Variants in TEX36 observed in about 807,000 individuals in gnomAD.
TEX36 encodes testis expressed 36.
TEX36 carries 12 observed loss-of-function variants against 13.6 expected under a neutral mutation model. The observed-to-expected ratio is 0.88, with a 90% CI of 0.56 to 1.43. The LOEUF is 1.43. TEX36 is among the 40% of genes most tolerant of loss of function. TEX36 has a pLI of 0.00. For missense variants in TEX36, 224 were observed against 228.3 expected, an observed-to-expected ratio of 0.98 and a Z score of 0.12; for synonymous variants, 93 against 83.0, an observed-to-expected ratio of 1.12 and a Z score of -0.65.
rs190511384 is a variant in TEX36 at position 125,629,235 on chromosome 10, C to A, written c.265-7590G>T. 3.3e-4 allele frequency among the ~76,000 whole-genome samples: 51 copies of A among 152,264 alleles called. No individual in the cohort carries two copies. In the East Asian group the frequency reaches 9.7e-3, roughly 29 times the overall value. ...CTGACTGTGTGGTGTGCAAGGAGCA[C>A]CCTGTGATAGAGACGATCTGAAGTT... On this transcript the variant is annotated intron_variant, in intron 3 of 3. Transcript: ENST00000526819.
At chr10:125,613,788 A>T (rs1490639077) in intron 3 of TEX36, among the ~76,000 whole-genome samples, 1 of 152,170 alleles carries the variant, frequency 6.6e-6, no homozygotes, top group Non-Finnish European at 1.5e-5. Flanking sequence ...TCCTTTGGGT[A>T]TATACCCAGT....
Position 125,683,159 on chromosome 10 carries a change from C to A in TEX36, c.-170G>T. 2.7e-6 allele frequency: 2 copies of A among 743,422 alleles called. No homozygotes were observed. The highest frequency in any genetic ancestry group is 2.3e-6 in the Non-Finnish European group (1 of 442,032). The allele number at this position is 743,422 out of a possible 1,614,324, so 46.1% of individuals were successfully genotyped here. Reference sequence around the variant, plus strand: ...CAGCCTCTTCCAGGAGGGGAAGGTGCGGGTGCCCATTGTTGTCATGGAATG... The same window carrying A: ...CAGCCTCTTCCAGGAGGGGAAGGTGAGGGTGCCCATTGTTGTCATGGAATG... On this transcript the variant is annotated 5_prime_UTR_variant, in exon 1 of 4. Transcript: ENST00000368821.
At chr10:125,677,724 G>A (rs766026285) in intron 1 of TEX36, among the ~76,000 whole-genome samples, 25 of 151,012 alleles carry the variant, frequency 1.7e-4, no homozygotes, top group Non-Finnish European at 2.9e-4. Flanking sequence ...CTCTATTGCC[G>A]AGGCTGAAGT....
downstream of TEX36, among the ~76,000 whole-genome samples, chr10:125,651,628 T>C (rs181443217): frequency 2.2e-4 from 34 of 152,246 alleles, no homozygotes; most frequent in African/African-American, 6.7e-4. Flanking sequence ...TTCAACATAG[T>C]GTTGGAAGTT....
chr10:125,666,284 G>A (rs1375530816), intron 1 of TEX36, among the ~76,000 whole-genome samples: 1 of 152,158 alleles, frequency 6.6e-6, no homozygotes, highest in Non-Finnish European at 1.5e-5. Flanking sequence ...TCAGTTCTTG[G>A]AGCAAAGGCG....
At chr10:125,589,472 T>C (rs1052426270) in intron 3 of TEX36, among the ~76,000 whole-genome samples, 2 of 152,258 alleles carry the variant, frequency 1.3e-5, no homozygotes, top group African/African-American at 4.8e-5. Flanking sequence ...ACAAGTGTGA[T>C]ATTGGTTGAT....
In TEX36 at chr10:125,656,163, T is replaced by G; in HGVS notation, c.298A>C (p.Arg100=). 1 of 1,540,898 alleles carries G rather than the reference T, an allele frequency of 6.5e-7. No individual in the cohort carries two copies. Among genetic ancestry groups the G allele is most frequent in the East Asian group, 2.5e-5 (1 of 40,812 alleles). ...TTAAAATTTCTTGAAACATGTTGCCTCTTATCTGGAGAGATCTTCTTACGT... is the reference window on the plus strand; with the variant it reads ...TTAAAATTTCTTGAAACATGTTGCCGCTTATCTGGAGAGATCTTCTTACGT... ...LGRKKISPDK[R]QHVSRNFNLW... is the part of the protein sequence containing the mutation. Residue 100 remains arginine (R), a synonymous_variant, in exon 4 of 4, where the codon AGG becomes CGG. Coordinates refer to ENST00000368821, the MANE Select transcript of TEX36 (RefSeq NM_001128202.3).
At chr10:125,611,269 T>C (rs1456016060) in intron 3 of TEX36, among the ~76,000 whole-genome samples, 1 of 152,242 alleles carries the variant, frequency 6.6e-6, no homozygotes, top group Non-Finnish European at 1.5e-5. Flanking sequence ...AATAGGCATA[T>C]TTTTAAAGTA....
At chr10:125,671,479 G>A (rs1847228360) in intron 1 of TEX36, among the ~76,000 whole-genome samples, 1 of 152,158 alleles carries the variant, frequency 6.6e-6, no homozygotes. Flanking sequence ...TGGGGATGAA[G>A]CTGACTTGAT....
At chr10:125,595,810 T>C (rs149875949) in intron 3 of TEX36, among the ~76,000 whole-genome samples, 2 of 152,310 alleles carry the variant, frequency 1.3e-5, no homozygotes, top group Non-Finnish European at 2.9e-5. Flanking sequence ...CCTGTTTACT[T>C]CTCTGCCTAG....
intron 1 of TEX36, among the ~76,000 whole-genome samples, chr10:125,665,939 T>C (rs1344984630): frequency 3.3e-5 from 5 of 152,166 alleles, no homozygotes; most frequent in Admixed American, 3.3e-4. Context: ...TTTATTCTTA[T>C]ATATTTTTGT....
chr10:125,615,391 C>T (rs1193400722), intron 3 of TEX36, among the ~76,000 whole-genome samples: 6 of 152,094 alleles, frequency 3.9e-5, no homozygotes, highest in Non-Finnish European at 8.8e-5. Context: ...CCAGTTTTTG[C>T]CCATTCAGTA....
Position 125,661,007 on chromosome 10 carries a change from A to G in TEX36, c.264+14T>C, listed in dbSNP as rs1343274198. ...GTTCCCTGTTTTATTAATAATTTGGAAAGAAATACTCACGGAGTCAAGGTA... is the reference window on the plus strand; with the variant it reads ...GTTCCCTGTTTTATTAATAATTTGGGAAGAAATACTCACGGAGTCAAGGTA... On this transcript the variant is annotated intron_variant, in intron 3 of 3. Coordinates refer to ENST00000368821, the MANE Select transcript of TEX36 (RefSeq NM_001128202.3). The G allele has an allele frequency of 6.5e-7, 1 of 1,546,828 alleles. No individual in the cohort carries two copies. The highest frequency in any genetic ancestry group is 8.8e-7 in the Non-Finnish European group (1 of 1,142,538).
downstream of TEX36, among the ~76,000 whole-genome samples, chr10:125,653,606 T>G (rs1464985830): frequency 6.6e-6 from 1 of 152,066 alleles, no homozygotes; most frequent in East Asian, 1.9e-4. Context: ...CTGCACGTTG[T>G]GCACATGTAC....
chr10:125,612,872 T>C (rs1846307464), intron 3 of TEX36, among the ~76,000 whole-genome samples: 1 of 151,322 alleles, frequency 6.6e-6, no homozygotes, highest in South Asian at 2.1e-4. Flanking sequence ...TGGGTTGTAA[T>C]TTTTTTTTCA....
intron 3 of TEX36, among the ~76,000 whole-genome samples, chr10:125,598,068 G>A (rs1397373422): frequency 6.6e-6 from 1 of 152,198 alleles, no homozygotes. Flanking sequence ...GTTAAGGAGG[G>A]TGGGAGTGGC....
chr10:125,578,920 A>C (rs1014101254), intron 3 of TEX36, among the ~76,000 whole-genome samples: 1 of 152,000 alleles, frequency 6.6e-6, no homozygotes. Context: ...CTTTCCCCAC[A>C]TGCTGTGCCC....
chr10:125,595,969 G>T (rs936819125), intron 3 of TEX36, among the ~76,000 whole-genome samples: 2 of 152,152 alleles, frequency 1.3e-5, no homozygotes, highest in African/African-American at 4.8e-5. Context: ...CTTAAACAAA[G>T]AAAGAAATCT....
intron 3 of TEX36, among the ~76,000 whole-genome samples, chr10:125,595,964 A>T (rs908735732): frequency 6.6e-6 from 1 of 152,258 alleles, no homozygotes; most frequent in Non-Finnish European, 1.5e-5. Flanking sequence ...TGTTTCTTAA[A>T]CAAAGAAAGA....
Sources: allele counts gnomAD v4.1 joint callset (sites outside exome capture counted in the v4.1 genomes callset), GRCh38; gene constraint gnomAD v4.1.1; transcripts MANE v1.5; gene names NCBI Gene and HGNC (gene_info 2026-07-23, HGNC 2026-07-21).